The following USP12 variants were observed in gnomAD, a reference collection of about 807,000 sequenced individuals.
USP12 encodes ubiquitin specific peptidase 12.
Under a neutral mutation model 45.5 loss-of-function variants are expected in USP12, and 19 were observed. The observed-to-expected ratio is 0.42, with a 90% CI of 0.29 to 0.61. The LOEUF is 0.61. Ranked by LOEUF, USP12 falls within the 20% of genes least tolerant of loss-of-function variation. The pLI is 0.22. For synonymous variants in USP12, 149 were observed against 148.8 expected (o/e 1.00, Z -0.01); for missense variants, 242 against 447.7 (o/e 0.54, Z 4.15).
intron 4 of USP12, among the ~76,000 whole-genome samples, chr13:27,093,716 G>A (rs1204375824): frequency 6.6e-6 from 1 of 152,158 alleles, no homozygotes; most frequent in African/African-American, 2.4e-5. Flanking sequence ...ACAAAAACCT[G>A]CACACAAATG....
chr13:27,117,512 G>A (rs1187750700), intron 1 of USP12, among the ~76,000 whole-genome samples: 1 of 151,836 alleles, frequency 6.6e-6, no homozygotes, highest in African/African-American at 2.4e-5. Flanking sequence ...TACTACATAG[G>A]AGAGCCAGAA....
At chr13:27,120,299 T>C (rs1034604319) in intron 1 of USP12, among the ~76,000 whole-genome samples, 3 of 152,142 alleles carry the variant, frequency 2.0e-5, no homozygotes, top group Non-Finnish European at 2.9e-5. Context: ...AAACTAACAA[T>C]AGCTTTTATG....
In USP12 at chr13:27,069,259, G is replaced by A. The variant is rs888792635; in HGVS notation, c.*24C>T. 6 of 1,561,504 alleles carry A rather than the reference G, an allele frequency of 3.8e-6. No homozygotes were observed. Among genetic ancestry groups the A allele is most frequent in the Non-Finnish European group, 5.3e-6 (6 of 1,134,752 alleles). ...AACCAGAGAAGAAATGAGGCAGAAA[G>A]TGTCTCTTCATCACGGTTCCCTCTC... On this transcript the variant is annotated 3_prime_UTR_variant, in exon 9 of 9. Transcript: ENST00000282344.
chr13:27,133,588 C>T (rs1876619304), intron 1 of USP12, among the ~76,000 whole-genome samples: 1 of 149,316 alleles, frequency 6.7e-6, no homozygotes, highest in Non-Finnish European at 1.5e-5. Flanking sequence ...AATATCGCGC[C>T]ACTGCGCTCC....
intron 1 of USP12, among the ~76,000 whole-genome samples, chr13:27,155,718 A>T (rs1476774656): frequency 6.6e-6 from 1 of 152,196 alleles, no homozygotes; most frequent in Non-Finnish European, 1.5e-5. Flanking sequence ...GTGTATAATC[A>T]GTTAAATCTT....
At chr13:27,128,494 A>G (rs550778891) in intron 1 of USP12, among the ~76,000 whole-genome samples, 2 of 152,320 alleles carry the variant, frequency 1.3e-5, no homozygotes, top group Admixed American at 6.5e-5. Flanking sequence ...TTAAAACATA[A>G]CTATATCTGA....
chr13:27,159,913 A>G (rs934543348), intron 1 of USP12, among the ~76,000 whole-genome samples: 1 of 152,250 alleles, frequency 6.6e-6, no homozygotes. Flanking sequence ...AAAGGAAAGA[A>G]AGTAGACTAT....
At position 27,152,679 on chromosome 13, in the gene USP12, C is replaced by A. The variant is rs369237467; in HGVS notation, c.48+18913G>T. The stretch of plus-strand genomic sequence containing the variant: ...GAATATGTGCCGGGCGTGGTGGCTC[C>A]CGCTTGTAATCCCAGCACTTTGGGA... On this transcript the variant is annotated intron_variant, in intron 1 of 8. Coordinates refer to ENST00000282344, the MANE Select transcript of USP12 (RefSeq NM_182488.4). 1.7e-4 allele frequency among the ~76,000 whole-genome samples: 25 copies of A among 150,574 alleles called. No homozygotes were observed. In the East Asian group the frequency reaches 4.6e-3, roughly 28 times the overall value.
At chr13:27,140,960 G>GA (rs201186004) in intron 1 of USP12, among the ~76,000 whole-genome samples, 164 of 97,664 alleles carry the variant, frequency 1.7e-3, no homozygotes, top group African/African-American at 4.8e-3. Flanking sequence ...AAGATTCGAA[G>GA]AAAAAAAAAA....
intron 6 of USP12, among the ~76,000 whole-genome samples, chr13:27,088,965 T>C (rs1216810513): frequency 2.6e-5 from 4 of 152,174 alleles, no homozygotes; most frequent in Admixed American, 2.0e-4. Context: ...GTAAGATTCC[T>C]GTCCAAGATA....
At position 27,159,099 on chromosome 13, in the gene USP12, T is replaced by G. The variant is rs74579884; in HGVS notation, c.48+12493A>C. Among the ~76,000 whole-genome samples, 166 of 152,330 alleles carry G rather than the reference T, an allele frequency of 1.1e-3. 1 individual carries two copies. Among genetic ancestry groups the G allele is most frequent in the African/African-American group, 3.9e-3 (162 of 41,568 alleles). ...ATGAATTTTTTAAACTCACACAATT[T>G]TGCAGTTTTAAAAATAGTAAGTGGT... On this transcript the variant is annotated intron_variant, in intron 1 of 8. Transcript: ENST00000282344.
At chr13:27,074,865 C>T (rs2137754063) in intron 7 of USP12, among the ~76,000 whole-genome samples, 1 of 152,190 alleles carries the variant, frequency 6.6e-6, no homozygotes, top group South Asian at 2.1e-4. Context: ...CAATTAAACT[C>T]AGAAGTGATT....
At chr13:27,165,656 CTCAAAAAAAT>C (rs1392758833) in intron 1 of USP12, among the ~76,000 whole-genome samples, 1 of 151,940 alleles carries the variant, frequency 6.6e-6, no homozygotes, top group East Asian at 1.9e-4. Context: ...AACATGGAAC[CTCAAAAAAAT>C]TCAAATCCCT....
At chr13:27,093,042 C>G (rs1295983958) in intron 4 of USP12, among the ~76,000 whole-genome samples, 1 of 151,884 alleles carries the variant, frequency 6.6e-6, no homozygotes, top group Non-Finnish European at 1.5e-5. Flanking sequence ...ATTAAAATTA[C>G]AAAATTAGCC....
At position 27,131,462 on chromosome 13, in the gene USP12, C is replaced by T. The variant is rs527243056; in HGVS notation, c.49-14866G>A. Among the ~76,000 whole-genome samples the T allele has an allele frequency of 2.6e-5, 4 of 152,258 alleles. No individual in the cohort carries two copies. In the East Asian group the frequency reaches 7.7e-4, roughly 29 times the overall value. ...CATTATGTAAAGGTATGACTAGAAA[C>T]ATGAGTCATTTGGATTTTTCTAAGT... On this transcript the variant is annotated intron_variant, in intron 1 of 8. Coordinates refer to ENST00000282344, the MANE Select transcript of USP12 (RefSeq NM_182488.4).
At position 27,090,043 on chromosome 13, in the gene USP12, A is replaced by G. The variant is rs1874242061; in HGVS notation, c.650+39T>C. The G allele has an allele frequency of 1.9e-6, 3 of 1,572,440 alleles. No individual in the cohort carries two copies. In the East Asian group the frequency reaches 6.8e-5, roughly 36 times the overall value. ...TCTTAAAAAATATTCCAGACTAAAAATAATTATTAAATTTCAAACTAAATA... is the reference window on the plus strand; with the variant it reads ...TCTTAAAAAATATTCCAGACTAAAAGTAATTATTAAATTTCAAACTAAATA... On this transcript the variant is annotated intron_variant, in intron 5 of 8. Transcript: ENST00000282344.
At chr13:27,087,627 A>G (rs1465970768) in intron 6 of USP12, among the ~76,000 whole-genome samples, 1 of 152,230 alleles carries the variant, frequency 6.6e-6, no homozygotes, top group Non-Finnish European at 1.5e-5. Context: ...ACAACTGTAC[A>G]AGGTCCTAGT....
chr13:27,070,446 A>T (rs1377171760), intron 8 of USP12, among the ~76,000 whole-genome samples: 4 of 152,130 alleles, frequency 2.6e-5, no homozygotes, highest in African/African-American at 9.7e-5. Flanking sequence ...GGACACATGT[A>T]TAAAAATTCA....
intron 6 of USP12, among the ~76,000 whole-genome samples, chr13:27,083,573 C>T (rs1446862670): frequency 1.3e-5 from 2 of 152,092 alleles, no homozygotes; most frequent in African/African-American, 4.8e-5. Flanking sequence ...ATGGGATAAA[C>T]GTATATGACC....
Sources: allele counts gnomAD v4.1 joint callset (sites outside exome capture counted in the v4.1 genomes callset), GRCh38; gene constraint gnomAD v4.1.1; transcripts MANE v1.5; gene names NCBI Gene and HGNC (gene_info 2026-07-23, HGNC 2026-07-21).